Variants in FARS2 observed in about 807,000 individuals in gnomAD.
FARS2 encodes phenylalanyl-tRNA synthetase 2, mitochondrial.
Under a neutral mutation model 46.4 loss-of-function variants are expected in FARS2, and 40 were observed. That is an observed-to-expected ratio of 0.86 (90% confidence interval 0.67 to 1.12). The LOEUF (loss-of-function observed/expected upper bound fraction) is 1.12, where lower values mean the gene tolerates loss of function less well. Among genes scored for constraint, FARS2 ranks in the 50% most tolerant of loss-of-function variants. The pLI, the probability that FARS2 is intolerant of heterozygous loss-of-function variation, is 0.00. For missense variants in FARS2, 513 were observed against 567.9 expected (o/e 0.90, Z 0.98); for synonymous variants, 234 against 214.9 (o/e 1.09, Z -0.78).
intron 1 of FARS2, among the ~76,000 whole-genome samples, chr6:5,356,925 G>T (rs1757969801): frequency 7.1e-6 from 1 of 140,348 alleles, no homozygotes; most frequent in African/African-American, 2.6e-5. Flanking sequence ...AGGTTATAGA[G>T]AAGTGGAGGG....
intron 4 of FARS2, among the ~76,000 whole-genome samples, chr6:5,531,078 A>C (rs1035663062): frequency 6.6e-6 from 1 of 152,116 alleles, no homozygotes; most frequent in Non-Finnish European, 1.5e-5. Flanking sequence ...TGATGTGGGA[A>C]GAAAGAAGGA....
chr6:5,389,500 T>A (rs1399723790), intron 2 of FARS2, among the ~76,000 whole-genome samples: 2 of 152,224 alleles, frequency 1.3e-5, no homozygotes, highest in Non-Finnish European at 2.9e-5. Context: ...TCTTGGGTCA[T>A]CTCTTCACTG....
At chr6:5,648,659 T>C (rs1052840684) in intron 6 of FARS2, among the ~76,000 whole-genome samples, 6 of 152,188 alleles carry the variant, frequency 3.9e-5, no homozygotes, top group Admixed American at 2.6e-4. Flanking sequence ...CTTTTCTTTC[T>C]CTCTTTCCAT....
Position 5,448,533 on chromosome 6 carries a change from T to G in FARS2, c.904+17361T>G, listed in dbSNP as rs530073025. On this transcript the variant is annotated intron_variant, in intron 4 of 6. Transcript: ENST00000274680. ...TTTGCACGTTAGAAAGCATTCCCATTTCTATTCACAGCTGCATGGTATTGC... is the reference window on the plus strand; with the variant it reads ...TTTGCACGTTAGAAAGCATTCCCATGTCTATTCACAGCTGCATGGTATTGC... Among the ~76,000 whole-genome samples the G allele has an allele frequency of 1.1e-3, 162 of 152,268 alleles. 1 individual carries two copies. The highest frequency in any genetic ancestry group is 3.4e-3 in the African/African-American group (142 of 41,544).
chr6:5,578,532 A>G (rs2150574803), intron 5 of FARS2, among the ~76,000 whole-genome samples: 1 of 152,186 alleles, frequency 6.6e-6, no homozygotes, highest in South Asian at 2.1e-4. Flanking sequence ...ACAGTGGGCC[A>G]GGCACGGTGG....
At chr6:5,698,586 G>C (rs111555340) in intron 6 of FARS2, among the ~76,000 whole-genome samples, 1 of 152,146 alleles carries the variant, frequency 6.6e-6, no homozygotes, top group Non-Finnish European at 1.5e-5. Flanking sequence ...CTGGAGGTTA[G>C]GTGAGTTATT....
At chr6:5,608,112 G>C (rs1301577378) in intron 5 of FARS2, among the ~76,000 whole-genome samples, 1 of 151,490 alleles carries the variant, frequency 6.6e-6, no homozygotes, top group African/African-American at 2.4e-5. Flanking sequence ...TTGGAACTTT[G>C]TTGTAACTTG....
chr6:5,616,100 G>A (rs1775468089), intron 6 of FARS2, among the ~76,000 whole-genome samples: 1 of 150,142 alleles, frequency 6.7e-6, no homozygotes, highest in Non-Finnish European at 1.5e-5. Context: ...GCCACTCTGT[G>A]TGTTTCTTCT....
chr6:5,662,921 TA>T, intron 6 of FARS2, among the ~76,000 whole-genome samples: 1 of 152,340 alleles, frequency 6.6e-6, no homozygotes, highest in South Asian at 2.1e-4. Flanking sequence ...TTAGTTTGCA[TA>T]AAGCTCTTGG....
chr6:5,597,631 C>T (rs928770429), intron 5 of FARS2, among the ~76,000 whole-genome samples: 6 of 152,180 alleles, frequency 3.9e-5, no homozygotes, highest in Non-Finnish European at 5.9e-5. Flanking sequence ...TGAACTTTGG[C>T]GTAGGCTTTG....
chr6:5,496,044 C>A (rs1767441465), intron 4 of FARS2, among the ~76,000 whole-genome samples: 1 of 152,194 alleles, frequency 6.6e-6, no homozygotes, highest in South Asian at 2.1e-4. Context: ...AGGATCCCTG[C>A]ACAACTCTCC....
intron 5 of FARS2, among the ~76,000 whole-genome samples, chr6:5,553,690 A>T (rs1003096599): frequency 1.3e-5 from 2 of 152,150 alleles, no homozygotes; most frequent in Non-Finnish European, 2.9e-5. Flanking sequence ...ACTGGTTTGT[A>T]GGCTACAAGT....
intron 1 of FARS2, among the ~76,000 whole-genome samples, chr6:5,305,234 A>T (rs1441916193): frequency 2.0e-5 from 3 of 152,256 alleles, no homozygotes; most frequent in African/African-American, 7.2e-5. Flanking sequence ...TATAAACATT[A>T]CATGCCTTCA....
intron 5 of FARS2, among the ~76,000 whole-genome samples, chr6:5,577,344 TAGAG>T (rs924845008): frequency 5.2e-5 from 6 of 114,294 alleles, no homozygotes; most frequent in East Asian, 2.4e-4. Context: ...ACACTGAAAA[TAGAG>T]AGAGAGTGAG....
intron 4 of FARS2, among the ~76,000 whole-genome samples, chr6:5,542,490 T>C (rs2150492726): frequency 6.6e-6 from 1 of 152,302 alleles, no homozygotes; most frequent in African/African-American, 2.4e-5. Flanking sequence ...CTCTGTTTCA[T>C]GTTTTGGGTT....
At chr6:5,717,349 A>ATGTGTGTG (rs1340235389) in intron 6 of FARS2, among the ~76,000 whole-genome samples, 21 of 91,158 alleles carry the variant, frequency 2.3e-4, no homozygotes, top group African/African-American at 5.8e-4. Context: ...ATAGATATGT[A>ATGTGTGTG]TATGTGTGTG....
chr6:5,256,176 C>A (rs1764656201), upstream of FARS2, among the ~76,000 whole-genome samples: 1 of 151,934 alleles, frequency 6.6e-6, no homozygotes, highest in African/African-American at 2.4e-5. Context: ...TGAAGAAGAG[C>A]CAAGAAGACA....
intron 6 of FARS2, among the ~76,000 whole-genome samples, chr6:5,717,397 A>ATGTG (rs1380479102): frequency 4.6e-5 from 7 of 151,090 alleles, no homozygotes; most frequent in Non-Finnish European, 1.0e-4. Flanking sequence ...GTGTCTATGT[A>ATGTG]TATCTCTCTC....
chr6:5,735,916 A>G lies in FARS2; in HGVS notation c.1218-35375A>G, dbSNP rs561463953. Among the ~76,000 whole-genome samples the G allele has an allele frequency of 4.6e-4, 70 of 152,308 alleles. 2 individuals carry two copies. Among genetic ancestry groups the G allele is most frequent in the African/African-American group, 1.5e-3 (64 of 41,586 alleles). ...CTTCTTTTAGGAAACTGTTCTCAAG[A>G]AGATTAGAGAGCTGGCTTGAACCAT... On this transcript the variant is annotated intron_variant, in intron 6 of 6. Transcript: ENST00000274680.
Sources: gnomAD v4.1 joint callset for allele counts (sites outside exome capture counted in the v4.1 genomes callset) on GRCh38, gnomAD v4.1.1 for gene constraint, MANE v1.5 for transcripts, NCBI Gene and HGNC (gene_info 2026-07-23, HGNC 2026-07-21) for gene names.